The following VCP variants were observed in gnomAD, a reference collection of about 807,000 sequenced individuals.
The protein encoded by VCP is transitional endoplasmic reticulum ATPase.
Under a neutral mutation model 85.7 loss-of-function variants are expected in VCP, and 6 were observed. The observed-to-expected ratio is 0.07, with a 90% CI of 0.04 to 0.14. The LOEUF is 0.14. VCP is among the 10% of genes least tolerant of loss of function. The probability of loss-of-function intolerance (pLI) is 1.00; values close to 1 mark genes in which losing one functional copy is unlikely to be tolerated. For synonymous variants in VCP, 384 were observed against 367.1 expected, an observed-to-expected ratio of 1.05 and a Z score of -0.53; for missense variants, 353 against 1,043.4, an observed-to-expected ratio of 0.34 and a Z score of 9.12.
chr9:35,066,616 G>T, intron 4 of VCP, 59 bp downstream of exon 4: 10 of 1,550,934 alleles, frequency 6.4e-6, no homozygotes, highest in Non-Finnish European at 7.1e-6. Flanking sequence ...ATGAGATAAA[G>T]ATGTTCCAAG....
In VCP at chr9:35,059,267, G is replaced by T. The variant is rs749161429; in HGVS notation, c.2005-48C>A. 3.7e-6 allele frequency: 6 copies of T among 1,611,440 alleles called. No homozygotes were observed. The African/African-American group carries it at 8.0e-5, about 22-fold the overall frequency. ...CTTAGCATTTAGCCTCTCCTCTCGA[G>T]ATACGCAGATCTTTGGGCTACCCGA... On this transcript the variant is annotated intron_variant, in intron 14 of 16. Coordinates refer to ENST00000358901, the MANE Select transcript of VCP (RefSeq NM_007126.5). The surrounding 1 kb of genome is among the most constrained non-coding windows in gnomAD (Gnocchi z 4.9).
At chr9:35,061,214 A>G in intron 10 of VCP, 35 bp from the exon 11 acceptor site, 1 of 1,612,100 alleles carries the variant, frequency 6.2e-7, no homozygotes, top group South Asian at 1.1e-5. Context: ...TGCTGCCTCA[A>G]AGACCCAGCT....
chr9:35,061,542 CTG>C (rs1466583321), intron 10 of VCP, 33 bp downstream of exon 10: 2 of 1,593,166 alleles, frequency 1.3e-6, no homozygotes, highest in African/African-American at 2.7e-5. Flanking sequence ...CCTAGAGACA[CTG>C]TAACGCCTGG....
intron 3 of VCP, 108 bp downstream of exon 3, chr9:35,067,783 A>C (rs1828861544): frequency 6.9e-7 from 1 of 1,448,566 alleles, no homozygotes; most frequent in Non-Finnish European, 9.6e-7. Flanking sequence ...GGCTTCCTGC[A>C]TCGACAGGTG....
rs1409389259 is a variant in VCP at position 35,056,782 on chromosome 9, C to G, written c.*335G>C. 2.0e-4 allele frequency: 72 copies of G among 366,990 alleles called. No individual in the cohort carries two copies. The highest frequency in any genetic ancestry group is 3.2e-5 in the Non-Finnish European group (6 of 189,386). The allele number at this position is 366,990 out of a possible 1,614,324, so 22.7% of individuals were successfully genotyped here. A position where few individuals can be genotyped will look rare whatever the true frequency, so the allele number is the denominator to read the frequency against. On this transcript the variant is annotated 3_prime_UTR_variant, in exon 17 of 17. Transcript: ENST00000358901. Reference sequence around the variant, plus strand: ...CATTGAGTCAAGTGCAGATGCTTTACTGTGGCAGGTGGCAGTAGTGCCTTG... The same window carrying G: ...CATTGAGTCAAGTGCAGATGCTTTAGTGTGGCAGGTGGCAGTAGTGCCTTG...
Position 35,059,438 on chromosome 9 carries a change from C to T in VCP, c.2004+55G>A, listed in dbSNP as rs1042698546. 6.9e-6 allele frequency: 11 copies of T among 1,603,726 alleles called. No individual in the cohort carries two copies. The highest frequency in any genetic ancestry group is 2.2e-5 in the East Asian group (1 of 44,784). ...CTTGTCCAGAAACTAAAGAGCACTCCGTACCAGCCTGAGGACTCATGCAAG... is the reference window on the plus strand; with the variant it reads ...CTTGTCCAGAAACTAAAGAGCACTCTGTACCAGCCTGAGGACTCATGCAAG... On this transcript the variant is annotated intron_variant, in intron 14 of 16. Transcript: ENST00000358901. This position sits in a 1 kb window ranked among gnomAD's most constrained non-coding sequence, Gnocchi z 4.9.
Position 35,065,311 on chromosome 9 carries a change from A to T in VCP, c.516T>A (p.Pro172=). The change falls in exon 5 of 17, where the codon CCT becomes CCA. Residue 172 remains proline (P), a synonymous_variant. Coordinates refer to ENST00000358901, the MANE Select transcript of VCP (RefSeq NM_007126.5). The part of the protein sequence containing the change: ...EFKVVETDPS[P]YCIVAPDTVI... Reference sequence around the variant, plus strand: ...CTGTGTCTGGAGCAACAATGCAATAAGGGCTAGGATCTGTTTCCACCACTT... The same window carrying T: ...CTGTGTCTGGAGCAACAATGCAATATGGGCTAGGATCTGTTTCCACCACTT... 6.2e-7 allele frequency: 1 copy of T among 1,614,216 alleles called. No individual in the cohort carries two copies.
At chr9:35,065,902 G>A (rs2131037555) in intron 4 of VCP, among the ~76,000 whole-genome samples, 1 of 152,256 alleles carries the variant, frequency 6.6e-6, no homozygotes, top group Non-Finnish European at 1.5e-5. Context: ...GGGCACAGTG[G>A]CTCACCTGAG....
At chr9:35,070,736 AAT>A (rs1828923799) in intron 1 of VCP, among the ~76,000 whole-genome samples, 1 of 152,150 alleles carries the variant, frequency 6.6e-6, no homozygotes, top group Non-Finnish European at 1.5e-5. Context: ...GTGCCCGGTC[AAT>A]AGTTTGTATT....
intron 1 of VCP, among the ~76,000 whole-genome samples, chr9:35,069,444 C>CT (rs35498216): frequency 0.045 from 4,295 of 95,644 alleles, 54 homozygotes; most frequent in African/African-American, 0.059. Context: ...CTCCCTCTCC[C>CT]TTTTTTTTTT....
chr9:35,069,218 A>AATTGTG (rs1828891196), intron 1 of VCP, among the ~76,000 whole-genome samples: 1 of 152,230 alleles, frequency 6.6e-6, no homozygotes, highest in Non-Finnish European at 1.5e-5. Flanking sequence ...CTTCACAGTA[A>AATTGTG]TATCTGCAAA....
At chr9:35,071,832 G>A in intron 1 of VCP, 1 of 989,278 alleles carries the variant, frequency 1.0e-6, no homozygotes, top group Non-Finnish European at 1.2e-6. Flanking sequence ...CCCGACCCCG[G>A]GCTCCGCCTC....
At position 35,059,859 on chromosome 9, in the gene VCP, G is replaced by T; in HGVS notation, c.1696-58C>A. The T allele has an allele frequency of 1.2e-6, 2 of 1,609,486 alleles. No individual in the cohort carries two copies. The highest frequency in any genetic ancestry group is 1.7e-6 in the Non-Finnish European group (2 of 1,176,510). The stretch of plus-strand genomic sequence containing the variant: ...CAAAACTAGATGTCTCTAGGCAAAC[G>T]TGGTGGCTCACACCTGTATTCCCAG... On this transcript the variant is annotated intron_variant, in intron 13 of 16. Coordinates refer to ENST00000358901, the MANE Select transcript of VCP (RefSeq NM_007126.5). The surrounding 1 kb of genome is among the most constrained non-coding windows in gnomAD (Gnocchi z 4.9).
intron 4 of VCP, 23 bp downstream of exon 4, chr9:35,066,652 T>C: frequency 6.2e-7 from 1 of 1,613,690 alleles, no homozygotes; most frequent in Non-Finnish European, 8.5e-7. Context: ...TCAATAATCC[T>C]TAAGCTCAGA....
intron 1 of VCP, chr9:35,071,998 C>T: frequency 1.8e-6 from 2 of 1,122,092 alleles, no homozygotes; most frequent in Non-Finnish European, 1.1e-6. Flanking sequence ...AGCCCCGGGG[C>T]GCCGCGCCGG....
intron 7 of VCP, among the ~76,000 whole-genome samples, 162 bp downstream of exon 7, chr9:35,062,816 C>G (rs1284995544): frequency 6.6e-6 from 1 of 152,102 alleles, no homozygotes; most frequent in Non-Finnish European, 1.5e-5. Context: ...AAATATCTTC[C>G]CTTTATTGCT....
rs1459973873 is a variant in VCP, at chr9:35,072,342, T to G, written c.12A>C (p.Gly4=). MAS[G]ADSKGDDLST... is the part of the protein sequence containing the mutation. ...AACGGCGCGCGCACACTCACTCGGC[T>G]CCAGAAGCCATGGCGCGCGCCTCTC... Residue 4 remains glycine, a synonymous_variant, in exon 1 of 17, where the codon GGA becomes GGC. Transcript: ENST00000358901. The G allele has an allele frequency of 6.7e-7, 1 of 1,486,148 alleles. No homozygotes were observed. The highest frequency in any genetic ancestry group is 1.5e-5 in the African/African-American group (1 of 68,158). 92.1% of individuals were successfully genotyped at this position (1,486,148 alleles called of 1,614,324 possible). A position where few individuals can be genotyped will look rare whatever the true frequency, so the allele number is the denominator to read the frequency against.
Position 35,063,098 on chromosome 9 carries a change from G to A in VCP, c.709-18C>T, listed in dbSNP as rs763920420. 4 of 1,612,558 alleles carry A rather than the reference G, an allele frequency of 2.5e-6. No individual in the cohort carries two copies. Among genetic ancestry groups the A allele is most frequent in the Middle Eastern group, 3.3e-4 (2 of 6,034 alleles). On this transcript the variant is annotated intron_variant, in intron 6 of 16. Coordinates refer to ENST00000358901, the MANE Select transcript of VCP (RefSeq NM_007126.5). ...CTAGGAGGCTGTGGACCAATGCAGA[G>A]TGTGATTAGGTTCCCACCTTCTCCC...
chr9:35,067,242 T>C (rs1026275960), intron 3 of VCP, among the ~76,000 whole-genome samples: 4 of 152,166 alleles, frequency 2.6e-5, no homozygotes, highest in Admixed American at 6.6e-5. Context: ...AGAAGAAAGC[T>C]ACATGAAACT....
Sources: allele counts gnomAD v4.1 joint callset (sites outside exome capture counted in the v4.1 genomes callset), GRCh38; gene constraint gnomAD v4.1.1; non-coding constraint Gnocchi (gnomAD v3.1); transcripts MANE v1.5; gene names NCBI Gene and HGNC (gene_info 2026-07-23, HGNC 2026-07-21).